NAA15: variants seen among roughly 807,000 people sequenced by gnomAD.
The protein encoded by NAA15 is N-alpha-acetyltransferase 15, NatA auxiliary subunit.
Under a neutral mutation model 114.0 loss-of-function variants are expected in NAA15, and 34 were observed. The ratio of observed to expected loss-of-function variants is 0.30; its 90% CI spans 0.23 to 0.40. The LOEUF is 0.40. NAA15 is among the 10% of genes least tolerant of loss of function. The pLI is 1.00. For synonymous variants in NAA15, 340 were observed against 338.0 expected, an observed-to-expected ratio of 1.01 and a Z score of -0.06; for missense variants, 658 against 1,004.5, an observed-to-expected ratio of 0.66 and a Z score of 4.66.
chr4:139,342,769 G>C lies in NAA15; in HGVS notation c.403-57G>C. On this transcript the variant is annotated intron_variant, in intron 4 of 19. Transcript: ENST00000296543. ...GGCCTAATATGGAGATCTTTTAAAG[G>C]AGCACTTGCTGTTACTAAAAGCCTA... 3 of 1,541,094 alleles carry C rather than the reference G, an allele frequency of 1.9e-6. No individual in the cohort carries two copies. The South Asian group carries it at 3.5e-5, about 18-fold the overall frequency.
intron 1 of NAA15, among the ~76,000 whole-genome samples, chr4:139,319,969 G>C (rs999065748): frequency 1.3e-5 from 2 of 152,002 alleles, no homozygotes; most frequent in African/African-American, 4.8e-5. Flanking sequence ...TCTTCTTTCT[G>C]CTCTTGAGTC....
intron 1 of NAA15, among the ~76,000 whole-genome samples, chr4:139,329,941 G>A (rs1224649752): frequency 6.6e-6 from 1 of 152,110 alleles, no homozygotes; most frequent in Admixed American, 6.6e-5. Flanking sequence ...TAAAGTGGTG[G>A]CATTACTAGA....
At chr4:139,322,280 G>A (rs1746644017) in intron 1 of NAA15, among the ~76,000 whole-genome samples, 1 of 152,134 alleles carries the variant, frequency 6.6e-6, no homozygotes, top group South Asian at 2.1e-4. Context: ...TTAAAAAGGG[G>A]AGTTTCCCTG....
chr4:139,345,036 GC>G (rs887532773), intron 6 of NAA15, among the ~76,000 whole-genome samples: 1 of 152,204 alleles, frequency 6.6e-6, no homozygotes, highest in Admixed American at 6.5e-5. Context: ...CTTCTGAAAT[GC>G]TGCTTTGTCC....
intron 15 of NAA15, among the ~76,000 whole-genome samples, chr4:139,375,274 G>T (rs1320906220): frequency 6.6e-6 from 1 of 152,124 alleles, no homozygotes; most frequent in Non-Finnish European, 1.5e-5. Flanking sequence ...ACAGTTATTA[G>T]AGTGGCAGAG....
chr4:139,343,976 C>CT (rs1276370312), intron 5 of NAA15, among the ~76,000 whole-genome samples: 1 of 152,086 alleles, frequency 6.6e-6, no homozygotes, highest in Admixed American at 6.5e-5. Context: ...TGTGTAAGGA[C>CT]TTATGGATTA....
intron 1 of NAA15, 74 bp from the exon 2 acceptor site, chr4:139,334,100 G>C: frequency 2.3e-6 from 2 of 874,942 alleles, no homozygotes; most frequent in Non-Finnish European, 3.7e-6. Context: ...TAACAGAGTA[G>C]AGAAATTTAG....
intron 17 of NAA15, among the ~76,000 whole-genome samples, chr4:139,379,731 G>C (rs1028038413): frequency 2.6e-5 from 4 of 152,122 alleles, no homozygotes; most frequent in Admixed American, 6.6e-5. Context: ...CCAAAAAAAT[G>C]CTAAATTGTC....
intron 1 of NAA15, among the ~76,000 whole-genome samples, chr4:139,325,506 G>T (rs923135839): frequency 6.6e-6 from 1 of 152,052 alleles, no homozygotes; most frequent in African/African-American, 2.4e-5. Flanking sequence ...AAATGTTACC[G>T]AGGAGTCTCT....
At chr4:139,323,056 T>TTC (rs1359743044) in intron 1 of NAA15, among the ~76,000 whole-genome samples, 1 of 79,928 alleles carries the variant, frequency 1.3e-5, no homozygotes, top group African/African-American at 5.8e-5. Context: ...TTCTTTTCTT[T>TTC]TTTTTTTTTT....
chr4:139,371,195 C>G (rs376397780), intron 15 of NAA15, among the ~76,000 whole-genome samples: 5 of 152,234 alleles, frequency 3.3e-5, no homozygotes, highest in African/African-American at 1.2e-4. Flanking sequence ...TCCCTGACTG[C>G]TTTATAACCA....
intron 1 of NAA15, among the ~76,000 whole-genome samples, chr4:139,317,482 A>G (rs904593619): frequency 2.0e-5 from 3 of 152,158 alleles, no homozygotes; most frequent in Non-Finnish European, 4.4e-5. Context: ...TTAGCTGGGC[A>G]TGGTGGCACA....
chr4:139,340,245 G>A (rs1355964953), intron 3 of NAA15, among the ~76,000 whole-genome samples: 1 of 152,026 alleles, frequency 6.6e-6, no homozygotes, highest in African/African-American at 2.4e-5. Flanking sequence ...TCACTTGAGT[G>A]CAGGGAGTGG....
chr4:139,335,708 C>T (rs1342018236), intron 2 of NAA15, among the ~76,000 whole-genome samples: 2 of 151,966 alleles, frequency 1.3e-5, no homozygotes, highest in Admixed American at 1.3e-4. Flanking sequence ...CCTGCCCTGC[C>T]ACTGTAACAT....
chr4:139,301,938 C>T (rs1745777907), intron 1 of NAA15, 107 bp downstream of exon 1: 1 of 1,230,962 alleles, frequency 8.1e-7, no homozygotes, highest in South Asian at 1.4e-5. Context: ...GCCCGGGACC[C>T]CGCCTTCATA....
chr4:139,356,315 G>A (rs1223483993), intron 10 of NAA15, among the ~76,000 whole-genome samples: 1 of 152,146 alleles, frequency 6.6e-6, no homozygotes, highest in East Asian at 1.9e-4. Context: ...TGCAGATCTG[G>A]AATCAATTGT....
chr4:139,348,947 A>G (rs1302801316), intron 6 of NAA15, among the ~76,000 whole-genome samples: 2 of 152,208 alleles, frequency 1.3e-5, no homozygotes, highest in African/African-American at 4.8e-5. Context: ...GACAGAAAGA[A>G]AAGACAGTTA....
At chr4:139,343,524 A>G (rs1461642622) in intron 5 of NAA15, among the ~76,000 whole-genome samples, 6 of 152,212 alleles carry the variant, frequency 3.9e-5, no homozygotes, top group Admixed American at 6.5e-5. Flanking sequence ...ATTTTATGAC[A>G]TAGACATTTC....
chr4:139,384,713 C>A lies in NAA15; in HGVS notation c.2156-119C>A. 4 of 558,518 alleles carry A rather than the reference C, an allele frequency of 7.2e-6. No homozygotes were observed. The East Asian group carries it at 1.5e-4, about 21-fold the overall frequency. 34.6% of individuals were successfully genotyped at this position (558,518 alleles called of 1,614,324 possible). A position where few individuals can be genotyped will look rare whatever the true frequency, so the allele number is the denominator to read the frequency against. ...GAGGCTACAGTGAGCCATGGTTGTG[C>A]CACTGTACTCCAGCCTGGGTGATAG... is the stretch of plus-strand genomic sequence containing the variant. On this transcript the variant is annotated intron_variant, in intron 17 of 19. Coordinates refer to ENST00000296543, the MANE Select transcript of NAA15 (RefSeq NM_057175.5).
Sources: allele counts gnomAD v4.1 joint callset (sites outside exome capture counted in the v4.1 genomes callset), GRCh38; gene constraint gnomAD v4.1.1; transcripts MANE v1.5; gene names NCBI Gene and HGNC (gene_info 2026-07-23, HGNC 2026-07-21).